AUTS2: variants seen among roughly 807,000 people sequenced by gnomAD.
AUTS2 encodes the protein autism susceptibility gene 2 protein.
In AUTS2, 17 loss-of-function variants were observed where a neutral mutation model predicts 112.4. That is an observed-to-expected ratio of 0.15 (90% CI 0.10 to 0.23). The LOEUF is 0.23. Ranked by LOEUF, AUTS2 falls within the 10% of genes least tolerant of loss-of-function variation. The probability of loss-of-function intolerance (pLI) is 1.00; values close to 1 mark genes in which losing one functional copy is unlikely to be tolerated. For synonymous variants in AUTS2, 751 were observed against 702.7 expected, an observed-to-expected ratio of 1.07 and a Z score of -1.09; for missense variants, 1,510 against 1,701.6, an observed-to-expected ratio of 0.89 and a Z score of 1.98.
chr7:70,627,355 C>T (rs895376628), intron 5 of AUTS2, among the ~76,000 whole-genome samples: 1 of 152,112 alleles, frequency 6.6e-6, no homozygotes, highest in African/African-American at 2.4e-5. Context: ...TTGTTTTGTG[C>T]TTGTTCAGTT....
intron 1 of AUTS2, among the ~76,000 whole-genome samples, chr7:69,862,008 C>G (rs1793008166): frequency 6.6e-6 from 1 of 152,178 alleles, no homozygotes; most frequent in African/African-American, 2.4e-5. Flanking sequence ...TAACATTGAA[C>G]ATTCTTTTTA....
chr7:70,049,903 T>C (rs1357666107), intron 2 of AUTS2, among the ~76,000 whole-genome samples: 4 of 152,024 alleles, frequency 2.6e-5, no homozygotes, highest in Non-Finnish European at 5.9e-5. Flanking sequence ...TATGAAGATA[T>C]GATATATGAA....
At chr7:70,534,806 T>C (rs901664500) in intron 5 of AUTS2, among the ~76,000 whole-genome samples, 1 of 152,110 alleles carries the variant, frequency 6.6e-6, no homozygotes, top group South Asian at 2.1e-4. Context: ...CAGGACCATA[T>C]AGGTAATAGT....
At chr7:70,232,804 A>C (rs1277986898) in intron 4 of AUTS2, among the ~76,000 whole-genome samples, 1 of 152,176 alleles carries the variant, frequency 6.6e-6, no homozygotes, top group Non-Finnish European at 1.5e-5. Context: ...TTCTATTTTT[A>C]GAAAAAGTCA....
chr7:69,760,174 T>TA lies in AUTS2; in HGVS notation c.310-139101dup, dbSNP rs536806725. On this transcript the variant is annotated intron_variant, in intron 1 of 18. Coordinates refer to ENST00000342771, the MANE Select transcript of AUTS2 (RefSeq NM_015570.4). ...CTTACTGAGTTTAATTGGAGATAAT[T>TA]AAAAAAAAAAAGTTCTTTTTTTCTT... Among the ~76,000 whole-genome samples, 1,055 of 140,394 alleles carry TA rather than the reference T, an allele frequency of 7.5e-3. 12 individuals carry two copies. Among genetic ancestry groups the TA allele is most frequent in the African/African-American group, 0.024 (925 of 38,228 alleles). The allele number at this position is 140,394 out of a possible 152,430, so 92.1% of individuals were successfully genotyped here.
intron 4 of AUTS2, among the ~76,000 whole-genome samples, chr7:70,417,465 G>A (rs1795035265): frequency 6.6e-6 from 1 of 152,196 alleles, no homozygotes; most frequent in African/African-American, 2.4e-5. Flanking sequence ...TTAAGATCTA[G>A]AAGGGGAGAG....
chr7:69,813,465 GC>G (rs1394545757), intron 1 of AUTS2, among the ~76,000 whole-genome samples: 5 of 152,166 alleles, frequency 3.3e-5, no homozygotes, highest in Admixed American at 2.0e-4. Flanking sequence ...GGGTTTGCCT[GC>G]CCCCCATTGG....
chr7:69,777,917 G>A (rs952938962), intron 1 of AUTS2, among the ~76,000 whole-genome samples: 2 of 152,260 alleles, frequency 1.3e-5, no homozygotes, highest in African/African-American at 4.8e-5. Flanking sequence ...CTTCTTTCTT[G>A]TTTGTGGATG....
At chr7:70,562,299 C>T (rs1336446378) in intron 5 of AUTS2, among the ~76,000 whole-genome samples, 1 of 152,202 alleles carries the variant, frequency 6.6e-6, no homozygotes, top group Non-Finnish European at 1.5e-5. Context: ...ATCTCCTGGC[C>T]TGGACACATG....
At position 69,704,513 on chromosome 7, in the gene AUTS2, C is replaced by T. The variant is rs571219653; in HGVS notation, c.309+104551C>T. Among the ~76,000 whole-genome samples the T allele has an allele frequency of 3.9e-5, 6 of 152,092 alleles. No homozygotes were observed. The South Asian group carries it at 8.3e-4, about 21-fold the overall frequency. On this transcript the variant is annotated intron_variant, in intron 1 of 18. Transcript: ENST00000342771. ...CAGGATGGTCTTGATCTTCTGACCTCGTGATCTGCCCATCTCGGCCTCCCA... is the reference window on the plus strand; with the variant it reads ...CAGGATGGTCTTGATCTTCTGACCTTGTGATCTGCCCATCTCGGCCTCCCA...
chr7:70,703,861 G>T (rs151151905), intron 6 of AUTS2, among the ~76,000 whole-genome samples: 3,610 of 152,236 alleles, frequency 0.024, 66 homozygotes, highest in East Asian at 0.064. Flanking sequence ...GTTTTTAGGA[G>T]ATAGAGATGT....
At chr7:69,671,869 C>T (rs1414741001) in intron 1 of AUTS2, among the ~76,000 whole-genome samples, 1 of 151,588 alleles carries the variant, frequency 6.6e-6, no homozygotes, top group Non-Finnish European at 1.5e-5. Context: ...AAAATGTGTA[C>T]AATGCAACAG....
chr7:70,498,576 T>G (rs985001302), intron 5 of AUTS2, among the ~76,000 whole-genome samples: 6 of 151,904 alleles, frequency 3.9e-5, no homozygotes, highest in African/African-American at 1.5e-4. Context: ...AGGGACTAGG[T>G]GGGGGGTTGG....
At chr7:69,718,660 A>G (rs1346893257) in intron 1 of AUTS2, among the ~76,000 whole-genome samples, 1 of 152,104 alleles carries the variant, frequency 6.6e-6, no homozygotes, top group Non-Finnish European at 1.5e-5. Flanking sequence ...CCTTAATTCC[A>G]TCTCCAACCT....
At chr7:70,342,697 T>C (rs373737687) in intron 4 of AUTS2, among the ~76,000 whole-genome samples, 1 of 151,346 alleles carries the variant, frequency 6.6e-6, no homozygotes, top group Non-Finnish European at 1.5e-5. Flanking sequence ...TGTAGATCTC[T>C]TCCACCTCCT....
At chr7:70,545,320 G>A (rs1377424072) in intron 5 of AUTS2, among the ~76,000 whole-genome samples, 1 of 152,236 alleles carries the variant, frequency 6.6e-6, no homozygotes, top group South Asian at 2.1e-4. Flanking sequence ...CTGCGGGCAT[G>A]CTGTAAGGAC....
intron 2 of AUTS2, among the ~76,000 whole-genome samples, chr7:69,970,679 A>G (rs893650635): frequency 6.6e-6 from 1 of 152,136 alleles, no homozygotes; most frequent in Non-Finnish European, 1.5e-5. Flanking sequence ...CTGCTTGTTA[A>G]TGGTTCCCCT....
At chr7:69,765,398 A>T (rs2129290877) in intron 1 of AUTS2, among the ~76,000 whole-genome samples, 1 of 152,240 alleles carries the variant, frequency 6.6e-6, no homozygotes, top group East Asian at 1.9e-4. Flanking sequence ...AAAGCCTTTG[A>T]GGTCAGATGG....
intron 2 of AUTS2, among the ~76,000 whole-genome samples, chr7:70,024,934 C>G (rs1800447439): frequency 6.6e-6 from 1 of 152,158 alleles, no homozygotes; most frequent in East Asian, 1.9e-4. Flanking sequence ...CATCTAAATT[C>G]ATGTTTGATT....
Sources: allele counts gnomAD v4.1 joint callset (sites outside exome capture counted in the v4.1 genomes callset), GRCh38; gene constraint gnomAD v4.1.1; transcripts MANE v1.5; gene names NCBI Gene and HGNC (gene_info 2026-07-23, HGNC 2026-07-21).